VPS13D: variants seen among roughly 807,000 people sequenced by gnomAD.
VPS13D encodes vacuolar protein sorting 13 homolog D, also known as intermembrane lipid transfer protein VPS13D.
Under a neutral mutation model 461.9 loss-of-function variants are expected in VPS13D, and 187 were observed. The ratio of observed to expected loss-of-function variants is 0.40; its 90% CI spans 0.36 to 0.46. The LOEUF is 0.46. VPS13D is among the 20% of genes least tolerant of loss of function. VPS13D has a pLI of 0.60. For synonymous variants in VPS13D, 1,951 were observed against 1,986.3 expected, an observed-to-expected ratio of 0.98 and a Z score of 0.47; for missense variants, 4,711 against 5,364.9, an observed-to-expected ratio of 0.88 and a Z score of 3.81.
intron 46 of VPS13D, among the ~76,000 whole-genome samples, chr1:12,352,277 C>T (rs751724884): frequency 1.3e-5 from 2 of 151,768 alleles, no homozygotes; most frequent in African/African-American, 2.4e-5. Flanking sequence ...GGTGACAGAG[C>T]GAGACTCTGT....
At chr1:12,341,692 C>T in intron 40 of VPS13D, 88 bp from the exon 41 acceptor site, 2 of 1,190,712 alleles carry the variant, frequency 1.7e-6, no homozygotes. Context: ...GCACAAGAGA[C>T]AAATTTGGGC....
At chr1:12,477,026 C>T (rs566323831) in intron 67 of VPS13D, among the ~76,000 whole-genome samples, 3 of 152,338 alleles carry the variant, frequency 2.0e-5, no homozygotes, top group Admixed American at 2.0e-4. Context: ...CACTGAACCC[C>T]ATCAAAGAAG....
intron 34 of VPS13D, 39 bp downstream of exon 34, chr1:12,322,785 T>G: frequency 6.3e-7 from 1 of 1,580,148 alleles, no homozygotes; most frequent in Non-Finnish European, 8.6e-7. Context: ...GTCTTGCTAA[T>G]AACGCTTCTT....
Position 12,333,270 on chromosome 1 carries a change from C to T in VPS13D, c.8332C>T (p.Gln2778Ter), listed in dbSNP as rs1643375584. 1 of 1,614,116 alleles carries T rather than the reference C, an allele frequency of 6.2e-7. No homozygotes were observed. Residue 2778 changes from glutamine to a stop codon, truncating the protein, a stop_gained, in exon 38 of 70, where the codon CAA becomes TAA. Coordinates refer to ENST00000620676, the MANE Select transcript of VPS13D (RefSeq NM_015378.4). LOFTEE classifies it high-confidence loss of function. ...IEPWPCSVSWQQQAASRLHPP... is the reference protein window; with the variant it reads ...IEPWPCSVSW ...GCCTTGGCCATGCTCTGTATCCTGG[C>T]AACAGCAGGCAGCTAGTCGTCTCCA...
At chr1:12,379,673 C>A (rs1254723162) in intron 57 of VPS13D, 77 bp downstream of exon 57, 2 of 1,030,710 alleles carry the variant, frequency 1.9e-6, no homozygotes, top group Non-Finnish European at 2.9e-6. Flanking sequence ...CTAAGTTATA[C>A]ATGATGAATT....
At chr1:12,490,020 G>C (rs1273269902) in intron 67 of VPS13D, among the ~76,000 whole-genome samples, 3 of 152,126 alleles carry the variant, frequency 2.0e-5, no homozygotes, top group Non-Finnish European at 4.4e-5. Context: ...CTGTGTTCTT[G>C]TTGCCATTTC....
At chr1:12,490,503 A>G (rs189776523) in intron 67 of VPS13D, among the ~76,000 whole-genome samples, 1 of 152,374 alleles carries the variant, frequency 6.6e-6, no homozygotes, top group African/African-American at 2.4e-5. Flanking sequence ...TATGGAGAAG[A>G]AATGCTTTTC....
chr1:12,381,922 T>TTTTCTTTCTTTC lies in VPS13D; in HGVS notation c.11191-1004_11191-993dup, dbSNP rs35247625. Among the ~76,000 whole-genome samples the TTTTCTTTCTTTC allele has an allele frequency of 6.3e-3, 640 of 101,222 alleles. 9 individuals carry two copies. Among genetic ancestry groups the TTTTCTTTCTTTC allele is most frequent in the East Asian group, 0.021 (77 of 3,722 alleles). The allele number at this position is 101,222 out of a possible 152,430, so 66.4% of individuals were successfully genotyped here. On this transcript the variant is annotated intron_variant, in intron 57 of 69. Transcript: ENST00000620676. ...TCTTTTTTTCTTTTTCTTTCTTTTCTTTTCTTTCTTTCTTTCTTTCTTTCT... is the reference window on the plus strand; with the variant it reads ...TCTTTTTTTCTTTTTCTTTCTTTTCTTTTCTTTCTTTCTTTCTTTCTTTCTTTCTTTCTTTCT...
At chr1:12,454,057 T>C (rs1645295800) in intron 65 of VPS13D, among the ~76,000 whole-genome samples, 1 of 152,132 alleles carries the variant, frequency 6.6e-6, no homozygotes, top group South Asian at 2.1e-4. Flanking sequence ...CTTGGACTAG[T>C]AGCAGAGTAA....
chr1:12,433,935 A>G (rs1570163330), intron 65 of VPS13D, among the ~76,000 whole-genome samples: 1 of 147,908 alleles, frequency 6.8e-6, no homozygotes, highest in South Asian at 2.2e-4. Context: ...AGAGAGTGAG[A>G]GAGAGAGAGA....
intron 1 of VPS13D, among the ~76,000 whole-genome samples, chr1:12,231,586 A>G (rs1639974482): frequency 6.6e-6 from 1 of 152,238 alleles, no homozygotes; most frequent in South Asian, 2.1e-4. Context: ...GGCAATAACT[A>G]CAAAAATAAA....
chr1:12,358,942 C>T lies in VPS13D; in HGVS notation c.10141+341C>T, dbSNP rs181182051. ...GCCTTTCATCCTCCAAGTATTCCCA[C>T]GCATTCATTAAAATTTGCAAGCCCT... is the stretch of plus-strand genomic sequence containing the variant. On this transcript the variant is annotated intron_variant, in intron 50 of 69. Coordinates refer to ENST00000620676, the MANE Select transcript of VPS13D (RefSeq NM_015378.4). Among the ~76,000 whole-genome samples, 5 of 152,204 alleles carry T rather than the reference C, an allele frequency of 3.3e-5. No homozygotes were observed. In the East Asian group the frequency reaches 7.7e-4, roughly 24 times the overall value.
At chr1:12,381,948 T>TTC (rs1644282982) in intron 57 of VPS13D, among the ~76,000 whole-genome samples, 1 of 138,700 alleles carries the variant, frequency 7.2e-6, no homozygotes, top group African/African-American at 2.8e-5. Flanking sequence ...CTTTCTTTCT[T>TTC]TCTTTCTTTC....
intron 8 of VPS13D, 67 bp downstream of exon 8, chr1:12,256,570 A>G (rs895640644): frequency 1.0e-5 from 16 of 1,550,598 alleles, no homozygotes; most frequent in Admixed American, 1.8e-5. Context: ...AAGTCTTGAT[A>G]TTAACGTATC....
intron 14 of VPS13D, 96 bp downstream of exon 14, chr1:12,267,107 C>A: frequency 7.8e-7 from 1 of 1,279,592 alleles, no homozygotes; most frequent in Non-Finnish European, 1.0e-6. Flanking sequence ...GACATTTGAT[C>A]ATCTTGAGAC....
chr1:12,273,729 C>G (rs1641523264), intron 18 of VPS13D, among the ~76,000 whole-genome samples: 1 of 151,864 alleles, frequency 6.6e-6, no homozygotes, highest in South Asian at 2.1e-4. Flanking sequence ...TATACCGATA[C>G]TTCCTTCCTT....
At chr1:12,357,216 C>T (rs534942906) in intron 49 of VPS13D, among the ~76,000 whole-genome samples, 7 of 152,200 alleles carry the variant, frequency 4.6e-5, no homozygotes, top group Non-Finnish European at 7.3e-5. Flanking sequence ...TCGGTAGAAT[C>T]GTGCTGACAG....
intron 7 of VPS13D, 74 bp downstream of exon 7, chr1:12,253,900 C>A: frequency 1.7e-6 from 2 of 1,147,606 alleles, no homozygotes; most frequent in Non-Finnish European, 1.3e-6. Flanking sequence ...GCCACGGGGG[C>A]TTTTGTCTCT....
rs1190583312 is a variant in VPS13D at position 12,321,946 on chromosome 1, T to C, written c.7686T>C (p.Asp2562=). Residue 2562 remains aspartate, a synonymous_variant, in exon 33 of 70, where the codon GAT becomes GAC. Transcript: ENST00000620676. ...SGLMDAFNSE[D]FPPVLEIQLQ... is the part of the protein sequence containing the mutation. ...TGATGGATGCATTCAATAGTGAAGATTTCCCACCTGTCCTGGAGGTAATGA... is the reference window on the plus strand; with the variant it reads ...TGATGGATGCATTCAATAGTGAAGACTTCCCACCTGTCCTGGAGGTAATGA... 7.4e-6 allele frequency: 12 copies of C among 1,613,672 alleles called. No individual in the cohort carries two copies. Among genetic ancestry groups the C allele is most frequent in the Non-Finnish European group, 1.0e-5 (12 of 1,179,830 alleles).
Sources: gnomAD v4.1 joint callset for allele counts (sites outside exome capture counted in the v4.1 genomes callset) on GRCh38, gnomAD v4.1.1 for gene constraint, MANE v1.5 for transcripts, NCBI Gene and HGNC (gene_info 2026-07-23, HGNC 2026-07-21) for gene names.